Variants in HIVEP3 observed in about 807,000 individuals in gnomAD.
HIVEP3 encodes the protein transcription factor HIVEP3.
In HIVEP3, 49 loss-of-function variants were observed where a neutral mutation model predicts 152.8. The observed-to-expected ratio is 0.32, with a 90% CI of 0.26 to 0.41. The LOEUF (loss-of-function observed/expected upper bound fraction) is 0.41, where lower values mean the gene tolerates loss of function less well. HIVEP3 is among the 10% of genes least tolerant of loss of function. The pLI, the probability that HIVEP3 is intolerant of heterozygous loss-of-function variation, is 1.00. For synonymous variants in HIVEP3, 1,269 were observed against 1,289.0 expected, an observed-to-expected ratio of 0.98 and a Z score of 0.33; for missense variants, 2,790 against 3,103.3, an observed-to-expected ratio of 0.90 and a Z score of 2.40.
At position 41,511,383 on chromosome 1, in the gene HIVEP3, C is replaced by T. The variant is rs1200652270; in HGVS notation, c.6406-117G>A. ...AGATCACAGAGCGAGTCCAGGGTCC[C>T]GGCTGAGCTGAGCCCAGAACCAAGT... On this transcript the variant is annotated intron_variant, in intron 8 of 8. Coordinates refer to ENST00000372583, the MANE Select transcript of HIVEP3 (RefSeq NM_024503.5). This position sits in a 1 kb window ranked among gnomAD's most constrained non-coding sequence, Gnocchi z 4.9. 2.1e-5 allele frequency: 20 copies of T among 962,776 alleles called. No individual in the cohort carries two copies. Among genetic ancestry groups the T allele is most frequent in the African/African-American group, 3.3e-5 (2 of 60,750 alleles). The allele number at this position is 962,776 out of a possible 1,614,324, so 59.6% of individuals were successfully genotyped here.
intron 1 of HIVEP3, among the ~76,000 whole-genome samples, chr1:41,994,265 CAA>C (rs542518404): frequency 4.2e-5 from 3 of 71,020 alleles, no homozygotes. Context: ...ATAGACTTAG[CAA>C]AAAAAAAAAA....
chr1:41,808,576 C>T (rs1197637915), intron 1 of HIVEP3, among the ~76,000 whole-genome samples: 2 of 152,190 alleles, frequency 1.3e-5, no homozygotes, highest in Non-Finnish European at 2.9e-5. Context: ...GGCGGCCAGG[C>T]CATAATTAAA....
At chr1:41,652,256 CCA>C (rs1445667105) in intron 2 of HIVEP3, among the ~76,000 whole-genome samples, 9 of 152,096 alleles carry the variant, frequency 5.9e-5, no homozygotes, top group African/African-American at 1.2e-4. Flanking sequence ...GCCATCTAAT[CCA>C]CAGAGAAAGA....
chr1:41,881,673 C>G (rs1465899864), intron 1 of HIVEP3, among the ~76,000 whole-genome samples: 2 of 152,212 alleles, frequency 1.3e-5, no homozygotes, highest in Non-Finnish European at 2.9e-5. Context: ...CCAGAACAAT[C>G]TGTTCTTATT....
At chr1:41,576,963 T>G (rs1644336142) in intron 4 of HIVEP3, among the ~76,000 whole-genome samples, 1 of 152,220 alleles carries the variant, frequency 6.6e-6, no homozygotes, top group Admixed American at 6.5e-5. Context: ...GCTAGTTTTC[T>G]GCAATACCCT....
chr1:41,661,539 A>G (rs1262685518), intron 2 of HIVEP3, among the ~76,000 whole-genome samples: 1 of 152,216 alleles, frequency 6.6e-6, no homozygotes, highest in African/African-American at 2.4e-5. Flanking sequence ...ATGTACCCCC[A>G]GTGCCAGCTG....
intron 1 of HIVEP3, among the ~76,000 whole-genome samples, chr1:41,767,441 T>C (rs1648083854): frequency 6.6e-6 from 1 of 152,090 alleles, no homozygotes; most frequent in Non-Finnish European, 1.5e-5. Flanking sequence ...GAGGTGTGGT[T>C]GACCTGTGAG....
intron 1 of HIVEP3, among the ~76,000 whole-genome samples, chr1:41,894,988 C>G (rs1644504834): frequency 6.6e-6 from 1 of 151,942 alleles, no homozygotes; most frequent in African/African-American, 2.4e-5. Context: ...AGGACCCTCC[C>G]CCACAACCAC....
rs1442687333 is a variant in HIVEP3, at chr1:41,758,280, C to T, written c.-800-57285G>A. ...ATAAGAGATCTTCACAATAGTGAGGCCCCCTATAAGCCAGAGAGATGATAG... is the reference window on the plus strand; with the variant it reads ...ATAAGAGATCTTCACAATAGTGAGGTCCCCTATAAGCCAGAGAGATGATAG... On this transcript the variant is annotated intron_variant, in intron 1 of 8. Transcript: ENST00000372583. Among the ~76,000 whole-genome samples, 6 of 152,200 alleles carry T rather than the reference C, an allele frequency of 3.9e-5. No individual in the cohort carries two copies. The South Asian group carries it at 6.2e-4, about 16-fold the overall frequency.
At chr1:41,683,474 T>C (rs1183974448) in intron 2 of HIVEP3, among the ~76,000 whole-genome samples, 1 of 152,210 alleles carries the variant, frequency 6.6e-6, no homozygotes, top group East Asian at 1.9e-4. Flanking sequence ...CAATTAATCA[T>C]TGCAGAGATG....
intron 1 of HIVEP3, among the ~76,000 whole-genome samples, chr1:42,007,137 G>T (rs894259115): frequency 3.9e-5 from 6 of 152,220 alleles, no homozygotes; most frequent in Admixed American, 3.3e-4. Context: ...AACTTACATG[G>T]ACTTGGGTCT....
chr1:41,768,192 A>C (rs934061699), intron 1 of HIVEP3, among the ~76,000 whole-genome samples: 1 of 152,256 alleles, frequency 6.6e-6, no homozygotes, highest in African/African-American at 2.4e-5. Context: ...ACAGTTCCAC[A>C]TGACTAGGGA....
intron 1 of HIVEP3, among the ~76,000 whole-genome samples, chr1:41,907,247 C>T (rs925810129): frequency 2.0e-5 from 3 of 152,100 alleles, no homozygotes; most frequent in African/African-American, 7.2e-5. Context: ...CTTGATAACC[C>T]CTGAATTGTT....
chr1:41,992,519 A>C (rs1645368627), intron 1 of HIVEP3, among the ~76,000 whole-genome samples: 1 of 147,664 alleles, frequency 6.8e-6, no homozygotes, highest in Non-Finnish European at 1.5e-5. Flanking sequence ...AAATGGAAGA[A>C]CATTCCATGC....
At position 41,512,999 on chromosome 1, in the gene HIVEP3, T is replaced by G. The variant is rs368789252; in HGVS notation, c.6222A>C (p.Pro2074=). 2 of 1,613,446 alleles carry G rather than the reference T, an allele frequency of 1.2e-6. No individual in the cohort carries two copies. Among genetic ancestry groups the G allele is most frequent in the Non-Finnish European group, 1.7e-6 (2 of 1,179,706 alleles). ...PRYSPTRRWS[P]GQAESPPRSA... is the part of the protein sequence containing the mutation. ...ACCGTGGTGGTGACTCGGCCTGACC[T>G]GGAGACCATCTCCTGGTGGGCGAGT... Residue 2074 remains proline, a synonymous_variant, in exon 8 of 9, where the codon CCA becomes CCC. Coordinates refer to ENST00000372583, the MANE Select transcript of HIVEP3 (RefSeq NM_024503.5).
At chr1:41,922,870 AAG>A, upstream of HIVEP3, among the ~76,000 whole-genome samples, 1 of 152,238 alleles carries the variant, frequency 6.6e-6, no homozygotes, top group Middle Eastern at 3.4e-3. Context: ...AAAGGAAAGA[AAG>A]AGAGGATTGT....
intron 2 of HIVEP3, among the ~76,000 whole-genome samples, chr1:41,639,458 G>GT (rs112535186): frequency 2.6e-5 from 4 of 152,308 alleles, no homozygotes; most frequent in African/African-American, 9.6e-5. Context: ...CCCTCCCTGG[G>GT]TTTGCCACGT....
At chr1:41,852,992 A>G (rs1476096632) in intron 1 of HIVEP3, among the ~76,000 whole-genome samples, 5 of 152,176 alleles carry the variant, frequency 3.3e-5, no homozygotes, top group Non-Finnish European at 1.5e-5. Flanking sequence ...GGGAACAGAG[A>G]CTTCACGTCC....
At chr1:41,663,080 T>C (rs1210444589) in intron 2 of HIVEP3, among the ~76,000 whole-genome samples, 1 of 152,202 alleles carries the variant, frequency 6.6e-6, no homozygotes, top group Non-Finnish European at 1.5e-5. Context: ...CCTGAGTCAC[T>C]CTGGTCCTTG....
Sources: allele counts gnomAD v4.1 joint callset (sites outside exome capture counted in the v4.1 genomes callset), GRCh38; gene constraint gnomAD v4.1.1; non-coding constraint Gnocchi (gnomAD v3.1); transcripts MANE v1.5; gene names NCBI Gene and HGNC (gene_info 2026-07-23, HGNC 2026-07-21).